Variants in ZNF232 observed in about 807,000 individuals in gnomAD.
ZNF232 encodes the protein zinc finger protein 232.
In ZNF232, 25 loss-of-function variants were observed where a neutral mutation model predicts 25.2. The observed-to-expected ratio is 0.99, with a 90% CI of 0.72 to 1.39. The LOEUF (loss-of-function observed/expected upper bound fraction) is 1.39. Among genes scored for constraint, ZNF232 ranks in the 40% most tolerant of loss-of-function variants. ZNF232 has a pLI of 0.00. For missense variants in ZNF232, 519 were observed against 520.9 expected (o/e 1.00, Z 0.04); for synonymous variants, 193 against 182.9 (o/e 1.06, Z -0.45).
chr17:5,109,836 G>A, exon 2 of ZNF232: 1 of 1,612,274 alleles, frequency 6.2e-7, no homozygotes, highest in Non-Finnish European at 8.5e-7. Context: ...CTCTGCAGAA[G>A]GCTCATACCA....
At chr17:5,117,865 C>T (rs2072569779) in intron 1 of ZNF232, among the ~76,000 whole-genome samples, 1 of 152,046 alleles carries the variant, frequency 6.6e-6, no homozygotes, top group African/African-American at 2.4e-5. Context: ...GAGGCCAAGG[C>T]AGGCAGATCA....
upstream of ZNF232, chr17:5,114,011 G>T (rs1028668492): frequency 2.0e-5 from 3 of 152,206 alleles, no homozygotes; most frequent in African/African-American, 7.2e-5. Flanking sequence ...ATCTGCACAT[G>T]ACCTGAGACT....
chr17:5,115,228 C>T (rs1361226524), upstream of ZNF232, among the ~76,000 whole-genome samples: 1 of 152,016 alleles, frequency 6.6e-6, no homozygotes, highest in African/African-American at 2.4e-5. Context: ...GGCCAGTGAG[C>T]CTCTGACTTT....
upstream of ZNF232, chr17:5,113,251 A>T (rs1237979702): frequency 1.3e-5 from 2 of 152,242 alleles, no homozygotes; most frequent in Non-Finnish European, 2.9e-5. Context: ...GGAGCTATGG[A>T]TAAAAATAGT....
exon 4 of ZNF232, chr17:5,106,438 C>T: frequency 6.2e-7 from 1 of 1,614,226 alleles, no homozygotes; most frequent in Non-Finnish European, 8.5e-7. Context: ...ACCTGTGATT[C>T]CACTTCAGTA....
Position 5,110,417 on chromosome 17 carries a change from GA to G in ZNF232, c.24-550del, listed in dbSNP as rs939691802. On this transcript the variant is annotated intron_variant, in intron 1 of 3. Transcript: ENST00000575898. ...GCCATTGACAGGAAAAATGTATCAA[GA>G]AAAAAAAAGTTCTGGGGGCCTATGG... 7.9e-5 allele frequency among the ~76,000 whole-genome samples: 12 copies of G among 151,284 alleles called. No homozygotes were observed. In the East Asian group the frequency reaches 2.1e-3, roughly 27 times the overall value.
intron 3 of ZNF232, chr17:5,108,644 G>T: frequency 3.0e-6 from 1 of 331,400 alleles, no homozygotes; most frequent in Non-Finnish European, 5.8e-6. Context: ...TCCTGATTTA[G>T]GGCTCTCTAA....
intron 1 of ZNF232, chr17:5,111,108 T>C (rs569406506): frequency 5.9e-5 from 9 of 152,292 alleles, no homozygotes; most frequent in African/African-American, 2.2e-4. Context: ...GCTTTGTCTC[T>C]GGGTGGGTGG....
rs992011347 is a variant in ZNF232, at chr17:5,120,217, C to T, written c.-530+2760G>A. ...TAACATTTGCTAATGGGGCCTGGCA[C>T]GGTGACACCAACGTAGGGTTGCTCT... On this transcript the variant is annotated intron_variant, in intron 1 of 4. Coordinates refer to the ZNF232 transcript ENST00000250076. Among the ~76,000 whole-genome samples the T allele has an allele frequency of 1.1e-4, 16 of 152,218 alleles. No homozygotes were observed. In the South Asian group the frequency reaches 1.7e-3, roughly 16 times the overall value.
At chr17:5,113,739 G>C (rs1327849102), upstream of ZNF232, 1 of 152,060 alleles carries the variant, frequency 6.6e-6, no homozygotes, top group South Asian at 2.1e-4. Flanking sequence ...TAGAGTTCAG[G>C]ATATCATACC....
chr17:5,117,155 C>A (rs1321346997), intron 1 of ZNF232, among the ~76,000 whole-genome samples: 1 of 152,170 alleles, frequency 6.6e-6, no homozygotes, highest in Non-Finnish European at 1.5e-5. Context: ...ATTATAAGTT[C>A]CATCAGGCCA....
chr17:5,113,310 TAATG>T (rs2072461391), upstream of ZNF232: 1 of 152,178 alleles, frequency 6.6e-6, no homozygotes, highest in Non-Finnish European at 1.5e-5. Flanking sequence ...GCCAGGAACT[TAATG>T]AAATTGTCTT....
intron 1 of ZNF232, among the ~76,000 whole-genome samples, chr17:5,110,188 G>T (rs751202273): frequency 7.4e-6 from 1 of 135,254 alleles, no homozygotes; most frequent in Admixed American, 7.0e-5. Context: ...CACCGCGCCC[G>T]TCCTCCTCTT....
chr17:5,109,241 G>A (rs764985618), intron 2 of ZNF232, 153 bp downstream of exon 2: 68 of 1,248,770 alleles, frequency 5.4e-5, no homozygotes, highest in Non-Finnish European at 6.3e-5. Context: ...TTCAGGGCTC[G>A]AGGGCAGAAA....
intron 1 of ZNF232, chr17:5,120,614 C>T (rs753982064): frequency 2.2e-5 from 8 of 371,128 alleles, no homozygotes; most frequent in Non-Finnish European, 4.2e-5. Flanking sequence ...CTCCTGCTGT[C>T]CTCTCTGCCC....
upstream of ZNF232, chr17:5,111,986 AGC>A: frequency 9.5e-7 from 1 of 1,048,530 alleles, no homozygotes; most frequent in Non-Finnish European, 1.3e-6. Flanking sequence ...AGAGGCTGGG[AGC>A]CCGGGAACCG....
At chr17:5,122,253 C>T (rs747412754) in intron 1 of ZNF232, among the ~76,000 whole-genome samples, 10 of 151,990 alleles carry the variant, frequency 6.6e-5, no homozygotes, top group Non-Finnish European at 1.3e-4. Context: ...AGTCAGGACT[C>T]AGTAAGTGTG....
At chr17:5,121,863 G>C (rs112713334) in intron 1 of ZNF232, 2,113 of 151,720 alleles carry the variant, frequency 0.014, 19 homozygotes, top group Middle Eastern at 0.027. Flanking sequence ...GGGAACCTGT[G>C]GGGGTTTGCA....
intron 3 of ZNF232, among the ~76,000 whole-genome samples, chr17:5,108,013 A>G (rs1484805864): frequency 6.6e-6 from 1 of 152,238 alleles, no homozygotes; most frequent in Non-Finnish European, 1.5e-5. Flanking sequence ...AAAGGAGACA[A>G]GAAAAAGTCT....
Sources: allele counts gnomAD v4.1 joint callset (sites outside exome capture counted in the v4.1 genomes callset), GRCh38; gene constraint gnomAD v4.1.1; transcripts MANE v1.5; gene names NCBI Gene and HGNC (gene_info 2026-07-23, HGNC 2026-07-21).